KIRREL3: variants seen among roughly 807,000 people sequenced by gnomAD.
The protein encoded by KIRREL3 is kirre like nephrin family adhesion molecule 3.
In KIRREL3, 36 loss-of-function variants were observed where a neutral mutation model predicts 89.7. The ratio of observed to expected loss-of-function variants is 0.40; its 90% confidence interval spans 0.31 to 0.53. The LOEUF (loss-of-function observed/expected upper bound fraction) is 0.53. Ranked by LOEUF, KIRREL3 falls within the 20% of genes least tolerant of loss-of-function variation. The pLI, the probability that KIRREL3 is intolerant of heterozygous loss-of-function variation, is 0.49. For missense variants in KIRREL3, 864 were observed against 1,056.6 expected (o/e 0.82, Z 2.53); for synonymous variants, 445 against 441.4 (o/e 1.01, Z -0.10).
intron 7 of KIRREL3, among the ~76,000 whole-genome samples, chr11:126,451,465 GGCATGT>G (rs1956156256): frequency 8.2e-6 from 1 of 122,450 alleles, no homozygotes; most frequent in Non-Finnish European, 1.7e-5. Context: ...CGCATGTGTG[GGCATGT>G]GCATGTGTGT....
rs1216741911 is a variant in KIRREL3, at chr11:126,995,310, G to A, written c.55+5145C>T. ...CATTAAAGTCAAGATCACTGTGGTG[G>A]GGGGAGTTGAAGTGTGCATTCCAGC... On this transcript the variant is annotated intron_variant, in intron 1 of 16. Coordinates refer to ENST00000525144, the MANE Select transcript of KIRREL3 (RefSeq NM_032531.4). This position sits in a 1 kb window ranked among gnomAD's most constrained non-coding sequence, Gnocchi z 6.5. The A allele has an allele frequency of 2.2e-6, 1 of 456,148 alleles. No individual in the cohort carries two copies. The allele number at this position is 456,148 out of a possible 1,614,324, so 28.3% of individuals were successfully genotyped here. A position where few individuals can be genotyped will look rare whatever the true frequency, so the allele number is the denominator to read the frequency against.
In KIRREL3 at chr11:126,994,052, CAA is replaced by C. The variant is rs34667822; in HGVS notation, c.55+6401_55+6402del. On this transcript the variant is annotated intron_variant, in intron 1 of 16. Transcript: ENST00000525144. This position sits in a 1 kb window ranked among gnomAD's most constrained non-coding sequence, Gnocchi z 5.2. ...CCATTGCAGTTTTAGTTTCAATTAT[CAA>C]AAAAAAAAAATCAGCCTCAGATAAA... 6.9e-5 allele frequency among the ~76,000 whole-genome samples: 10 copies of C among 145,018 alleles called. No individual in the cohort carries two copies. The highest frequency in any genetic ancestry group is 2.2e-4 in the African/African-American group (9 of 40,028).
chr11:126,465,815 G>A (rs1956704469), intron 5 of KIRREL3, among the ~76,000 whole-genome samples: 1 of 152,158 alleles, frequency 6.6e-6, no homozygotes, highest in Non-Finnish European at 1.5e-5. Context: ...GCAGCAGCTG[G>A]CACCGCTTTA....
In KIRREL3 at chr11:126,446,764, C is replaced by T. The variant is rs747117945; in HGVS notation, c.1120G>A (p.Gly374Arg). The T allele has an allele frequency of 1.3e-5, 20 of 1,599,468 alleles. No individual in the cohort carries two copies. Among genetic ancestry groups the T allele is most frequent in the Admixed American group, 6.9e-5 (4 of 58,232 alleles). ...GGTCTGAGCTGCAGCCTCACCACTC[C>T]GGAGCCCCGCTTCATCCAGACGATG... ...LTIVWMKRGS[G>R]VVLSNEKTLT... The change falls in exon 9 of 17, where the codon GGA becomes AGA. Residue 374 changes from glycine (G) to arginine (R), a missense_variant. Physicochemically the swap from Gly to Arg is moderately radical, Grantham distance 125. Transcript: ENST00000525144.
Position 126,768,436 on chromosome 11 carries a change from T to A in KIRREL3, c.56-205524A>T, listed in dbSNP as rs2134290161. Reference sequence around the variant, plus strand: ...ATGAATCAGTCAGGCAGGCCAAGGATCTTATGAACTTGGTTTATGAGATCC... The same window carrying A: ...ATGAATCAGTCAGGCAGGCCAAGGAACTTATGAACTTGGTTTATGAGATCC... On this transcript the variant is annotated intron_variant, in intron 1 of 16. Coordinates refer to ENST00000525144, the MANE Select transcript of KIRREL3 (RefSeq NM_032531.4). This position sits in a 1 kb window ranked among gnomAD's most constrained non-coding sequence, Gnocchi z 4.5. Among the ~76,000 whole-genome samples the A allele has an allele frequency of 6.6e-6, 1 of 152,268 alleles. No homozygotes were observed. The highest frequency in any genetic ancestry group is 1.9e-4 in the East Asian group (1 of 5,184).
intron 1 of KIRREL3, among the ~76,000 whole-genome samples, chr11:126,806,583 T>C (rs1167095218): frequency 6.6e-6 from 1 of 152,222 alleles, no homozygotes; most frequent in East Asian, 1.9e-4. Flanking sequence ...GGACCATGTG[T>C]TGGCTGTGTC....
chr11:126,959,695 C>T (rs1422691916), intron 1 of KIRREL3, among the ~76,000 whole-genome samples: 1 of 152,180 alleles, frequency 6.6e-6, no homozygotes, highest in Admixed American at 6.5e-5. Flanking sequence ...TGGCAGCACT[C>T]TCTACACAAG....
chr11:126,777,340 G>T (rs1771660234), intron 1 of KIRREL3, among the ~76,000 whole-genome samples: 1 of 152,158 alleles, frequency 6.6e-6, no homozygotes, highest in Non-Finnish European at 1.5e-5. Context: ...GGCCTGGCAG[G>T]TCTAGGGAAC....
chr11:126,792,016 C>A (rs1421525350), intron 1 of KIRREL3, among the ~76,000 whole-genome samples: 1 of 152,192 alleles, frequency 6.6e-6, no homozygotes, highest in Non-Finnish European at 1.5e-5. Flanking sequence ...GGTGCCTCTG[C>A]CGACCTTCCC....
intron 6 of KIRREL3, among the ~76,000 whole-genome samples, chr11:126,457,283 GTGTA>G (rs1231665677): frequency 6.6e-6 from 1 of 151,718 alleles, no homozygotes; most frequent in African/African-American, 2.4e-5. Context: ...GTATGCATAT[GTGTA>G]TGTGTGTATG....
chr11:126,616,244 A>G (rs1490610367), intron 1 of KIRREL3, among the ~76,000 whole-genome samples: 1 of 152,006 alleles, frequency 6.6e-6, no homozygotes, highest in Non-Finnish European at 1.5e-5. Flanking sequence ...GGGAGAATGA[A>G]TGGGAGAGGG....
At chr11:126,630,142 C>T (rs571311118) in intron 1 of KIRREL3, among the ~76,000 whole-genome samples, 157 of 152,244 alleles carry the variant, frequency 1.0e-3, no homozygotes, top group Non-Finnish European at 1.7e-3. Context: ...TCCACATAGA[C>T]GGACTGGGTT....
chr11:126,758,219 C>A (rs903144123), intron 1 of KIRREL3, among the ~76,000 whole-genome samples: 2 of 152,232 alleles, frequency 1.3e-5, no homozygotes, highest in Non-Finnish European at 2.9e-5. Flanking sequence ...ATAAAGGAAT[C>A]TTTCTCAATT....
At chr11:126,835,011 C>T (rs1943731815) in intron 1 of KIRREL3, among the ~76,000 whole-genome samples, 1 of 152,252 alleles carries the variant, frequency 6.6e-6, no homozygotes, top group African/African-American at 2.4e-5. Context: ...GTTTCCCTGC[C>T]ACTTCCCTAC....
rs1950186555 is a variant in KIRREL3, at chr11:126,776,977, AG to A, written c.56-214066del. Among the ~76,000 whole-genome samples the A allele has an allele frequency of 1.3e-5, 2 of 152,200 alleles. No homozygotes were observed. Among genetic ancestry groups the A allele is most frequent in the African/African-American group, 2.4e-5 (1 of 41,458 alleles). ...CCCATGTGGCTTCTTGAGAGATGTCAGGACTGCCATTTGTGAGCTGTGTTAA... is the reference window on the plus strand; with the variant it reads ...CCCATGTGGCTTCTTGAGAGATGTCAGACTGCCATTTGTGAGCTGTGTTAA... On this transcript the variant is annotated intron_variant, in intron 1 of 16. Coordinates refer to ENST00000525144, the MANE Select transcript of KIRREL3 (RefSeq NM_032531.4). This position sits in a 1 kb window ranked among gnomAD's most constrained non-coding sequence, Gnocchi z 4.7.
chr11:126,997,296 T>C lies in KIRREL3; in HGVS notation c.55+3159A>G, dbSNP rs117782424. Among the ~76,000 whole-genome samples, 1 of 152,260 alleles carries C rather than the reference T, an allele frequency of 6.6e-6. No individual in the cohort carries two copies. Among genetic ancestry groups the C allele is most frequent in the East Asian group, 1.9e-4 (1 of 5,188 alleles). ...ATGTCTATTCTCAGCAGGAGGCAAA[T>C]TGTGCTGTGACATTATCCCTCTCTG... On this transcript the variant is annotated intron_variant, in intron 1 of 16. Transcript: ENST00000525144. This position sits in a 1 kb window ranked among gnomAD's most constrained non-coding sequence, Gnocchi z 4.3.
rs1163829118 is a variant in KIRREL3 at position 126,718,395 on chromosome 11, A to T, written c.56-155483T>A. ...GGCTGCACGGAAATGAAAAATTGCC[A>T]TAGAAAGATGACTCACCAAATCACA... On this transcript the variant is annotated intron_variant, in intron 1 of 16. Coordinates refer to ENST00000525144, the MANE Select transcript of KIRREL3 (RefSeq NM_032531.4). 3.3e-5 allele frequency among the ~76,000 whole-genome samples: 5 copies of T among 152,240 alleles called. No individual in the cohort carries two copies. In the East Asian group the frequency reaches 9.6e-4, roughly 29 times the overall value.
At position 126,922,121 on chromosome 11, in the gene KIRREL3, G is replaced by GTCTGTCTGTCTGTCTATCTA. The variant is rs61078651; in HGVS notation, c.55+78333_55+78334insTAGATAGACAGACAGACAGA. 1.0e-4 allele frequency among the ~76,000 whole-genome samples: 14 copies of GTCTGTCTGTCTGTCTATCTA among 140,082 alleles called. No individual in the cohort carries two copies. In the East Asian group the frequency reaches 1.3e-3, roughly 13 times the overall value. The allele number at this position is 140,082 out of a possible 152,430, so 91.9% of individuals were successfully genotyped here. ...TATCTATCGATCTATCTATCTGTCT[G>GTCTGTCTGTCTGTCTATCTA]TCTATCTATCTATCTATCTATCTAT... On this transcript the variant is annotated intron_variant, in intron 1 of 16. Transcript: ENST00000525144.
chr11:126,729,993 CT>C lies in KIRREL3; in HGVS notation c.56-167082del. On this transcript the variant is annotated intron_variant, in intron 1 of 16. Coordinates refer to ENST00000525144, the MANE Select transcript of KIRREL3 (RefSeq NM_032531.4). This position sits in a 1 kb window ranked among gnomAD's most constrained non-coding sequence, Gnocchi z 4.5. ...CTTCTTCAGGAAACTCTTTTGTTGT[CT>C]TATTTCTGGGACACCCTCCTCCGGA... Among the ~76,000 whole-genome samples, 1 of 152,256 alleles carries C rather than the reference CT, an allele frequency of 6.6e-6. No individual in the cohort carries two copies. Among genetic ancestry groups the C allele is most frequent in the East Asian group, 1.9e-4 (1 of 5,180 alleles).
Sources: gnomAD v4.1 joint callset for allele counts (sites outside exome capture counted in the v4.1 genomes callset) on GRCh38, gnomAD v4.1.1 for gene constraint, Gnocchi (gnomAD v3.1) non-coding constraint, MANE v1.5 for transcripts, NCBI Gene and HGNC (gene_info 2026-07-23, HGNC 2026-07-21) for gene names.